The following ADSS1 variants were observed in gnomAD, a reference collection of about 807,000 sequenced individuals.
ADSS1 encodes the protein adenylosuccinate synthase 1.
In ADSS1, 57 loss-of-function variants were observed where a neutral mutation model predicts 59.1. The ratio of observed to expected loss-of-function variants is 0.97; its 90% CI spans 0.78 to 1.20. ADSS1 has a LOEUF of 1.20. Ranked by LOEUF, ADSS1 falls within the 50% of genes most tolerant of loss-of-function variation. The pLI is 0.00. For synonymous variants in ADSS1, 247 were observed against 249.4 expected, an observed-to-expected ratio of 0.99 and a Z score of 0.09; for missense variants, 603 against 610.3, an observed-to-expected ratio of 0.99 and a Z score of 0.13.
chr14:104,740,518 C>A lies in ADSS1; in HGVS notation c.477-83C>A. 1 of 1,268,036 alleles carries A rather than the reference C, an allele frequency of 7.9e-7. No individual in the cohort carries two copies. Among genetic ancestry groups the A allele is most frequent in the Non-Finnish European group, 1.1e-6 (1 of 890,996 alleles). 78.5% of individuals were successfully genotyped at this position (1,268,036 alleles called of 1,614,324 possible). On this transcript the variant is annotated intron_variant, in intron 5 of 12. Coordinates refer to ENST00000330877, the MANE Select transcript of ADSS1 (RefSeq NM_152328.5). This position sits in a 1 kb window ranked among gnomAD's most constrained non-coding sequence, Gnocchi z 4.8. ...AATGGTGGGCACTGGAGTCATGAGCCGGCGGGGGTCATGGCCTCAGTGGGA... is the reference window on the plus strand; with the variant it reads ...AATGGTGGGCACTGGAGTCATGAGCAGGCGGGGGTCATGGCCTCAGTGGGA...
At chr14:104,733,545 C>T (rs1236263316) in intron 1 of ADSS1, among the ~76,000 whole-genome samples, 1 of 152,154 alleles carries the variant, frequency 6.6e-6, no homozygotes, top group Non-Finnish European at 1.5e-5. Context: ...GAGGGTCCTG[C>T]TTGGGCAGGC....
At chr14:104,727,852 G>C (rs1485907575) in intron 1 of ADSS1, among the ~76,000 whole-genome samples, 1 of 152,216 alleles carries the variant, frequency 6.6e-6, no homozygotes, top group Non-Finnish European at 1.5e-5. Flanking sequence ...CCTGGTCAGG[G>C]TTTAGAATCC....
In ADSS1 at chr14:104,746,342, C is replaced by T; in HGVS notation, c.1278C>T (p.Ala426=). 4 of 1,613,722 alleles carry T rather than the reference C, an allele frequency of 2.5e-6. No individual in the cohort carries two copies. Among genetic ancestry groups the T allele is most frequent in the Non-Finnish European group, 3.4e-6 (4 of 1,179,942 alleles). The change falls in exon 12 of 13, where the codon GCC becomes GCT. Residue 426 remains alanine (A), a synonymous_variant. Transcript: ENST00000330877. ...ARRWEDLPPQ[A]QNYIRFVENH... ...GGTGGGAGGACCTGCCCCCACAGGC[C>T]CAGAACTACATCCGCTTTGTGGAGA...
At chr14:104,746,599 G>A (rs1332067629) in intron 12 of ADSS1, among the ~76,000 whole-genome samples, 9 of 152,202 alleles carry the variant, frequency 5.9e-5, no homozygotes, top group Admixed American at 1.3e-4. Context: ...CTGCCTCTCC[G>A]CATCCAGAAC....
chr14:104,746,701 G>A, intron 12 of ADSS1, among the ~76,000 whole-genome samples: 1 of 152,240 alleles, frequency 6.6e-6, no homozygotes, highest in East Asian at 1.9e-4. Context: ...GGTCTGCAGG[G>A]AGAGTCACTA....
chr14:104,728,189 C>T (rs1193879483), intron 1 of ADSS1, among the ~76,000 whole-genome samples: 1 of 152,174 alleles, frequency 6.6e-6, no homozygotes, highest in East Asian at 1.9e-4. Context: ...AACGCTTTGC[C>T]TTAGGCTCCA....
rs372780008 is a variant in ADSS1 at position 104,739,324 on chromosome 14, G to A, written c.359-4G>A. ...TGACCCACCTGTGTGCCGTGTCCCCGCAGGCCTGAAGGACTGGGAGAAGAG... is the reference window on the plus strand; with the variant it reads ...TGACCCACCTGTGTGCCGTGTCCCCACAGGCCTGAAGGACTGGGAGAAGAG... On this transcript the variant is annotated splice_polypyrimidine_tract_variant and splice_region_variant and intron_variant, in intron 3 of 12. Transcript: ENST00000330877. The A allele has an allele frequency of 1.7e-5, 27 of 1,607,336 alleles. No homozygotes were observed. The highest frequency in any genetic ancestry group is 1.1e-4 in the African/African-American group (8 of 74,800).
At chr14:104,732,637 C>G (rs1338800714) in intron 1 of ADSS1, among the ~76,000 whole-genome samples, 2 of 152,240 alleles carry the variant, frequency 1.3e-5, no homozygotes, top group Non-Finnish European at 2.9e-5. Flanking sequence ...GTTCCTGGGC[C>G]TGTTGACGTG....
At chr14:104,742,641 G>A (rs921334994) in intron 9 of ADSS1, among the ~76,000 whole-genome samples, 4 of 152,242 alleles carry the variant, frequency 2.6e-5, no homozygotes, top group African/African-American at 7.2e-5. Flanking sequence ...AGGGGCGGAC[G>A]CCATCCAGAG....
At chr14:104,726,369 G>A (rs1890718443) in intron 1 of ADSS1, among the ~76,000 whole-genome samples, 1 of 152,234 alleles carries the variant, frequency 6.6e-6, no homozygotes, top group African/African-American at 2.4e-5. Flanking sequence ...CGAGTGCGGG[G>A]ACCGAGCTGG....
At chr14:104,733,492 G>A (rs1327602168) in intron 1 of ADSS1, among the ~76,000 whole-genome samples, 1 of 152,226 alleles carries the variant, frequency 6.6e-6, no homozygotes, top group Non-Finnish European at 1.5e-5. Flanking sequence ...TTGTCCAGAT[G>A]CATCGTGAGG....
In ADSS1 at chr14:104,739,823, CT is replaced by C. The variant is rs1393293020; in HGVS notation, c.476+8del. On this transcript the variant is annotated splice_region_variant and intron_variant, in intron 5 of 12. Coordinates refer to ENST00000330877, the MANE Select transcript of ADSS1 (RefSeq NM_152328.5). ...AGGCACAAGAGGGGAAGAAGTAAGT[CT>C]GCCGGGACACTCTCACCCTCGGGGA... 6.2e-7 allele frequency: 1 copy of C among 1,613,768 alleles called. No individual in the cohort carries two copies. Among genetic ancestry groups the C allele is most frequent in the Non-Finnish European group, 8.5e-7 (1 of 1,179,980 alleles).
chr14:104,735,304 TG>T lies in ADSS1; in HGVS notation c.295+185del, dbSNP rs1382241770. ...CACAGAAACCTGCATAGCCCGGGCCTGGGCTGGGAACGCAGCTGAGAGGACA... is the reference window on the plus strand; with the variant it reads ...CACAGAAACCTGCATAGCCCGGGCCTGGCTGGGAACGCAGCTGAGAGGACA... On this transcript the variant is annotated intron_variant, in intron 2 of 12. Transcript: ENST00000330877. 5.3e-5 allele frequency among the ~76,000 whole-genome samples: 8 copies of T among 152,178 alleles called. No homozygotes were observed. In the East Asian group the frequency reaches 1.5e-3, roughly 29 times the overall value.
intron 1 of ADSS1, among the ~76,000 whole-genome samples, chr14:104,726,208 G>A (rs1221595248): frequency 6.6e-6 from 1 of 152,218 alleles, no homozygotes; most frequent in Admixed American, 6.5e-5. Flanking sequence ...GCCTCCTCAC[G>A]AGCCAGTGAG....
At chr14:104,746,435 AG>A in intron 12 of ADSS1, 50 bp downstream of exon 12, 26 of 1,577,948 alleles carry the variant, frequency 1.6e-5, no homozygotes, top group East Asian at 2.3e-5. Flanking sequence ...GGATGCCCCA[AG>A]GGGCCCACAT....
rs777806019 is a variant in ADSS1 at position 104,724,439 on chromosome 14, G to A, written c.169G>A (p.Ala57Thr). 33 of 1,257,776 alleles carry A rather than the reference G, an allele frequency of 2.6e-5. No individual in the cohort carries two copies. The Admixed American group carries it at 1.2e-3, about 48-fold the overall frequency. The allele number at this position is 1,257,776 out of a possible 1,614,324, so 77.9% of individuals were successfully genotyped here. A position where few individuals can be genotyped will look rare whatever the true frequency, so the allele number is the denominator to read the frequency against. Residue 57 changes from alanine to threonine, a missense_variant, in exon 1 of 13, where the codon GCC (alanine) becomes ACC (threonine). Ala to Thr is a moderately conservative substitution (Grantham distance 58). Coordinates refer to ENST00000330877, the MANE Select transcript of ADSS1 (RefSeq NM_152328.5). ...GGTGGTGGACCTGCTGGCCACGGAC[G>A]CCGACATCATCAGCCGCTGCCAGGT... ...GKVVDLLATD[A>T]DIISRCQGGN...
In ADSS1 at chr14:104,743,208, G is replaced by A. The variant is rs755733849; in HGVS notation, c.1073+17G>A. The stretch of plus-strand genomic sequence containing the variant: ...ATTCACTGCGTAAGCAACCCATGCT[G>A]CCATCCCCACTGGGACCGTCCCTGA... On this transcript the variant is annotated intron_variant, in intron 10 of 12. Coordinates refer to ENST00000330877, the MANE Select transcript of ADSS1 (RefSeq NM_152328.5). The A allele has an allele frequency of 6.2e-7, 1 of 1,607,816 alleles. No individual in the cohort carries two copies. Among genetic ancestry groups the A allele is most frequent in the East Asian group, 2.2e-5 (1 of 44,862 alleles).
rs761377362 is a variant in ADSS1 at position 104,739,741 on chromosome 14, G to A, written c.410-9G>A. 18 of 1,613,576 alleles carry A rather than the reference G, an allele frequency of 1.1e-5. No homozygotes were observed. The East Asian group carries it at 3.6e-4, about 32-fold the overall frequency. ...GTCTCCTGCTGCCCTCACCTGGCCC[G>A]CCCGACAGTGTTTGATTTTCACCAG... On this transcript the variant is annotated splice_polypyrimidine_tract_variant and intron_variant, in intron 4 of 12. Coordinates refer to ENST00000330877, the MANE Select transcript of ADSS1 (RefSeq NM_152328.5).
In ADSS1 at chr14:104,724,237, G is replaced by C. The variant is rs1246921865; in HGVS notation, c.-34G>C. The C allele has an allele frequency of 3.3e-6, 4 of 1,222,436 alleles. No individual in the cohort carries two copies. In the East Asian group the frequency reaches 1.3e-4, roughly 40 times the overall value. 75.7% of individuals were successfully genotyped at this position (1,222,436 alleles called of 1,614,324 possible). A position where few individuals can be genotyped will look rare whatever the true frequency, so the allele number is the denominator to read the frequency against. On this transcript the variant is annotated 5_prime_UTR_variant, in exon 1 of 13. Transcript: ENST00000330877. Reference sequence around the variant, plus strand: ...CGGACGCCGGCGGCGGCGGGCTCCTGGCCGGGCCAGCGCAGCGGAAGAGCC... The same window carrying C: ...CGGACGCCGGCGGCGGCGGGCTCCTCGCCGGGCCAGCGCAGCGGAAGAGCC...
Sources: allele counts gnomAD v4.1 joint callset (sites outside exome capture counted in the v4.1 genomes callset), GRCh38; gene constraint gnomAD v4.1.1; non-coding constraint Gnocchi (gnomAD v3.1); transcripts MANE v1.5; gene names NCBI Gene and HGNC (gene_info 2026-07-23, HGNC 2026-07-21).